The following TRIM49 variants were observed in gnomAD, a reference collection of about 807,000 sequenced individuals.
TRIM49 encodes tripartite motif containing 49.
TRIM49 carries 5 observed loss-of-function variants against 27.4 expected under a neutral mutation model. That is an observed-to-expected ratio of 0.18 (90% confidence interval 0.10 to 0.38). The LOEUF (loss-of-function observed/expected upper bound fraction) is 0.38. Among genes scored for constraint, TRIM49 ranks in the 10% least tolerant of loss-of-function variants. The pLI is 1.00. For missense variants in TRIM49, 188 were observed against 487.5 expected (o/e 0.39, Z 5.79); for synonymous variants, 69 against 166.0 (o/e 0.42, Z 4.49).
At chr11:89,797,090 T>A (rs1342890795), downstream of TRIM49, among the ~76,000 whole-genome samples, 2 of 152,090 alleles carry the variant, frequency 1.3e-5, no homozygotes, top group Non-Finnish European at 2.9e-5. Context: ...GGGCCTGTGG[T>A]ACAACTGGTG....
Position 89,802,829 on chromosome 11 carries a change from C to G in TRIM49, c.507+869G>C, listed in dbSNP as rs568294552. Reference sequence around the variant, plus strand: ...ACTTCCCTGCTTGATTATTCTCCAACAAAAACCTACCACACTCAAATACAT... The same window carrying G: ...ACTTCCCTGCTTGATTATTCTCCAAGAAAAACCTACCACACTCAAATACAT... On this transcript the variant is annotated intron_variant, in intron 4 of 7. Transcript: ENST00000329758. Among the ~76,000 whole-genome samples, 658 of 150,164 alleles carry G rather than the reference C, an allele frequency of 4.4e-3. 9 individuals carry two copies. Among genetic ancestry groups the G allele is most frequent in the African/African-American group, 0.014 (579 of 40,414 alleles).
chr11:89,803,019 G>A lies in TRIM49; in HGVS notation c.507+679C>T, dbSNP rs558910986. On this transcript the variant is annotated intron_variant, in intron 4 of 7. Transcript: ENST00000329758. ...AATACTTTTCAACAAACTAATCTTA[G>A]CTATCATACCCTCAAAATATACATC... is the stretch of plus-strand genomic sequence containing the variant. 6.4e-3 allele frequency among the ~76,000 whole-genome samples: 961 copies of A among 150,490 alleles called. 19 individuals are homozygous for A. The highest frequency in any genetic ancestry group is 0.021 in the African/African-American group (843 of 40,332).
chr11:89,787,472 G>C, the TRIM49 span: 1 of 432,154 alleles, frequency 2.3e-6, no homozygotes, highest in Non-Finnish European at 4.1e-6. Context: ...GCCTGGCCTA[G>C]AGGCGGCGGG....
intron 4 of TRIM49, among the ~76,000 whole-genome samples, chr11:89,802,616 C>G (rs981359074): frequency 1.3e-5 from 2 of 150,916 alleles, no homozygotes; most frequent in African/African-American, 4.9e-5. Context: ...CATATATACA[C>G]ACAACCACAC....
chr11:89,769,418 C>T, the TRIM49 span, among the ~76,000 whole-genome samples: 2 of 136,888 alleles, frequency 1.5e-5, no homozygotes, highest in Non-Finnish European at 3.0e-5. Context: ...GAGTGTCATG[C>T]CATGTTAGAC....
chr11:89,796,332 G>A (rs1467976794), downstream of TRIM49, among the ~76,000 whole-genome samples: 58 of 149,208 alleles, frequency 3.9e-4, no homozygotes, highest in African/African-American at 1.3e-3. Context: ...TTCTGGGCAC[G>A]AGCCATCGTG....
chr11:89,792,990 A>G (rs1226215483), downstream of TRIM49, among the ~76,000 whole-genome samples: 4 of 152,146 alleles, frequency 2.6e-5, no homozygotes, highest in African/African-American at 9.7e-5. Flanking sequence ...AAATTGATAG[A>G]CTGCTAGCAA....
At position 89,802,612 on chromosome 11, in the gene TRIM49, T is replaced by C. The variant is rs552160211; in HGVS notation, c.508-680A>G. Among the ~76,000 whole-genome samples, 3 of 150,988 alleles carry C rather than the reference T, an allele frequency of 2.0e-5. No individual in the cohort carries two copies. The South Asian group carries it at 6.3e-4, about 32-fold the overall frequency. On this transcript the variant is annotated intron_variant, in intron 4 of 7. Coordinates refer to ENST00000329758, the MANE Select transcript of TRIM49 (RefSeq NM_020358.2). ...ATACATACATACATACATACATATATACACACAACCACACACACATACATA... is the reference window on the plus strand; with the variant it reads ...ATACATACATACATACATACATATACACACACAACCACACACACATACATA...
chr11:89,793,693 C>T (rs1949670403), downstream of TRIM49, among the ~76,000 whole-genome samples: 1 of 151,960 alleles, frequency 6.6e-6, no homozygotes, highest in African/African-American at 2.4e-5. Flanking sequence ...GCCCCTCATG[C>T]TAAAACCTCT....
chr11:89,767,884 C>A, the TRIM49 span, among the ~76,000 whole-genome samples: 3 of 136,856 alleles, frequency 2.2e-5, 1 homozygote, highest in African/African-American at 1.0e-4. Context: ...TAATTCAGTT[C>A]TGTATACTTC....
chr11:89,773,058 G>A, the TRIM49 span, among the ~76,000 whole-genome samples: 5 of 136,390 alleles, frequency 3.7e-5, no homozygotes, highest in Non-Finnish European at 4.5e-5. Context: ...AGTCATGGTG[G>A]CAGACACCTG....
the TRIM49 span, among the ~76,000 whole-genome samples, chr11:89,790,372 C>A: frequency 6.8e-6 from 1 of 148,012 alleles, no homozygotes; most frequent in South Asian, 2.2e-4. Context: ...CCGCTGCAGA[C>A]TTAAATGTCC....
At chr11:89,791,748 A>G in the TRIM49 span, among the ~76,000 whole-genome samples, 4 of 152,236 alleles carry the variant, frequency 2.6e-5, no homozygotes, top group South Asian at 6.2e-4. Flanking sequence ...AGGAAGCACT[A>G]AACATGGAAA....
chr11:89,768,674 A>T, the TRIM49 span: 2 of 399,008 alleles, frequency 5.0e-6, no homozygotes, highest in Admixed American at 5.4e-5. Flanking sequence ...ACACAAACAC[A>T]TAAGTACACA....
chr11:89,774,921 A>G, the TRIM49 span, among the ~76,000 whole-genome samples: 2 of 149,076 alleles, frequency 1.3e-5, 1 homozygote, highest in African/African-American at 5.1e-5. Context: ...CCCATAAAAT[A>G]CCTAAAATGT....
the TRIM49 span, among the ~76,000 whole-genome samples, chr11:89,769,497 A>G: frequency 3.7e-5 from 5 of 136,266 alleles, 1 homozygote; most frequent in East Asian, 6.2e-4. Context: ...AACCCATGCT[A>G]CAGATTCTGG....
chr11:89,767,611 C>A, the TRIM49 span, among the ~76,000 whole-genome samples: 1 of 122,800 alleles, frequency 8.1e-6, no homozygotes, highest in Non-Finnish European at 1.5e-5. Context: ...CAGGCACAGA[C>A]TTCTTTTATC....
downstream of TRIM49, among the ~76,000 whole-genome samples, chr11:89,793,549 T>G (rs1215408045): frequency 6.6e-6 from 1 of 152,172 alleles, no homozygotes; most frequent in Non-Finnish European, 1.5e-5. Context: ...GCAAGTGGGC[T>G]TCATCCCTGG....
At chr11:89,775,736 A>G in the TRIM49 span, among the ~76,000 whole-genome samples, 1 of 133,392 alleles carries the variant, frequency 7.5e-6, no homozygotes, top group Non-Finnish European at 1.5e-5. Flanking sequence ...ATAGATATTA[A>G]TTACATTTAA....
Sources: allele counts gnomAD v4.1 joint callset (sites outside exome capture counted in the v4.1 genomes callset), GRCh38; gene constraint gnomAD v4.1.1; transcripts MANE v1.5; gene names NCBI Gene and HGNC (gene_info 2026-07-23, HGNC 2026-07-21).